CORO2B: variants seen among roughly 807,000 people sequenced by gnomAD.
CORO2B encodes the protein coronin 2B.
In CORO2B, 26 loss-of-function variants were observed where a neutral mutation model predicts 58.8. The observed-to-expected ratio is 0.44, with a 90% CI of 0.32 to 0.61. The LOEUF (loss-of-function observed/expected upper bound fraction) is 0.61. Ranked by LOEUF, CORO2B falls within the 20% of genes least tolerant of loss-of-function variation. The pLI is 0.04. For missense variants in CORO2B, 460 were observed against 645.1 expected (o/e 0.71, Z 3.11); for synonymous variants, 242 against 253.8 (o/e 0.95, Z 0.44).
At chr15:68,639,955 C>CT in intron 1 of CORO2B, among the ~76,000 whole-genome samples, 1 of 152,312 alleles carries the variant, frequency 6.6e-6, no homozygotes, top group East Asian at 1.9e-4. Context: ...GCCAGATTTT[C>CT]AGGTCACCTC....
At chr15:68,623,713 G>T (rs754731134) in intron 1 of CORO2B, among the ~76,000 whole-genome samples, 9 of 152,322 alleles carry the variant, frequency 5.9e-5, no homozygotes, top group Non-Finnish European at 8.8e-5. Context: ...AGCAGCAGCG[G>T]GTGGGAGGGC....
intron 1 of CORO2B, 141 bp downstream of exon 1, chr15:68,579,418 G>T (rs1378295351): frequency 5.7e-6 from 5 of 872,988 alleles, no homozygotes; most frequent in African/African-American, 3.6e-5. Context: ...CTTGCTGCCG[G>T]ATCCGCTCGA....
chr15:68,574,342 C>T (rs114368229), upstream of CORO2B, among the ~76,000 whole-genome samples: 1,136 of 152,230 alleles, frequency 7.5e-3, 13 homozygotes, highest in African/African-American at 0.025. Context: ...AGGAGCATCT[C>T]CCTCTTAGGG....
chr15:68,519,520 T>G, the CORO2B span, among the ~76,000 whole-genome samples: 1 of 152,348 alleles, frequency 6.6e-6, no homozygotes, highest in East Asian at 1.9e-4. Flanking sequence ...TATTTATCTT[T>G]TCATTACTCA....
intron 1 of CORO2B, among the ~76,000 whole-genome samples, chr15:68,639,972 G>A (rs941846429): frequency 2.0e-5 from 3 of 152,154 alleles, no homozygotes; most frequent in East Asian, 1.9e-4. Flanking sequence ...CCTCTTGGCC[G>A]CCCCCACCGA....
chr15:68,616,028 G>A (rs1027144674), intron 1 of CORO2B, among the ~76,000 whole-genome samples: 4 of 151,992 alleles, frequency 2.6e-5, no homozygotes, highest in African/African-American at 4.8e-5. Flanking sequence ...TACATGCAGC[G>A]GCTCGCTCCC....
In CORO2B at chr15:68,714,651, C is replaced by T. The variant is rs555351499; in HGVS notation, c.858C>T (p.Tyr286=). 1.2e-5 allele frequency: 19 copies of T among 1,613,884 alleles called. No homozygotes were observed. The highest frequency in any genetic ancestry group is 1.7e-5 in the Admixed American group (1 of 60,018). Reference sequence around the variant, plus strand: ...ATGATGCTGACACCCACATGCTCTACCTGGCTGGAAAGGTAGTAGGAGGTG... The same window carrying T: ...ATGATGCTGACACCCACATGCTCTATCTGGCTGGAAAGGTAGTAGGAGGTG... ...PFYDADTHML[Y]LAGKGDGNIR... is the part of the protein sequence containing the mutation. Residue 286 remains tyrosine, a synonymous_variant, in exon 7 of 12, where the codon TAC becomes TAT. Coordinates refer to ENST00000261861, the MANE Select transcript of CORO2B (RefSeq NM_006091.5).
intron 1 of CORO2B, among the ~76,000 whole-genome samples, chr15:68,644,394 G>A (rs1441201882): frequency 6.6e-6 from 1 of 152,204 alleles, no homozygotes; most frequent in African/African-American, 2.4e-5. Context: ...AGGAAGATCA[G>A]AGACTTCCCC....
At chr15:68,716,891 C>T (rs1565564) in intron 8 of CORO2B, among the ~76,000 whole-genome samples, 123,689 of 151,760 alleles carry the variant, frequency 0.82, 54,272 homozygotes, top group Non-Finnish European at 0.96. Context: ...GGGGCTAAAT[C>T]CATGGGATGC....
intron 2 of CORO2B, among the ~76,000 whole-genome samples, chr15:68,647,670 C>CGGAGA (rs1234092325): frequency 4.8e-5 from 6 of 124,406 alleles, no homozygotes; most frequent in South Asian, 2.5e-4. Context: ...GCCTGGGCAA[C>CGGAGA]AAGATCGAAA....
Position 68,579,053 on chromosome 15 carries a change from C to G in CORO2B, c.-210C>G. On this transcript the variant is annotated 5_prime_UTR_variant, in exon 1 of 12. Transcript: ENST00000261861. ...ATCTATTATAAATGCACATTCGGGGCTGACATCAGCGACGAGCGGCGGGCG... is the reference window on the plus strand; with the variant it reads ...ATCTATTATAAATGCACATTCGGGGGTGACATCAGCGACGAGCGGCGGGCG... 1.0e-6 allele frequency: 1 copy of G among 984,276 alleles called. No homozygotes were observed. The highest frequency in any genetic ancestry group is 4.7e-5 in the South Asian group (1 of 21,286). The allele number at this position is 984,276 out of a possible 1,614,324, so 61.0% of individuals were successfully genotyped here.
chr15:68,652,563 T>C (rs1353157566), intron 2 of CORO2B, among the ~76,000 whole-genome samples: 1 of 151,942 alleles, frequency 6.6e-6, no homozygotes, highest in Non-Finnish European at 1.5e-5. Context: ...ATATCAAGAG[T>C]CTGGGTTCTC....
At chr15:68,653,718 G>A (rs1162661587) in intron 2 of CORO2B, among the ~76,000 whole-genome samples, 1 of 151,738 alleles carries the variant, frequency 6.6e-6, no homozygotes, top group South Asian at 2.1e-4. Flanking sequence ...AGGAGGAAAG[G>A]TGCCCAGCTC....
chr15:68,663,258 T>A (rs1902073852), intron 2 of CORO2B, among the ~76,000 whole-genome samples: 1 of 152,238 alleles, frequency 6.6e-6, no homozygotes, highest in South Asian at 2.1e-4. Flanking sequence ...CTACACAGTA[T>A]TCCATTGTTT....
intron 2 of CORO2B, among the ~76,000 whole-genome samples, chr15:68,661,236 C>G (rs7178401): frequency 0.096 from 14,609 of 152,134 alleles, 1,172 homozygotes; most frequent in African/African-American, 0.22. Flanking sequence ...CCTCGGCCTC[C>G]CAAAGTGCTG....
intron 1 of CORO2B, among the ~76,000 whole-genome samples, chr15:68,596,330 G>T (rs916175284): frequency 1.5e-5 from 2 of 134,246 alleles, no homozygotes; most frequent in Admixed American, 1.6e-4. Context: ...TGGTAGAAAT[G>T]CTGTTAAAGA....
upstream of CORO2B, among the ~76,000 whole-genome samples, chr15:68,575,724 T>C (rs549573188): frequency 2.6e-4 from 40 of 152,200 alleles, no homozygotes; most frequent in African/African-American, 9.4e-4. Context: ...TCCACTCCTG[T>C]GATCACCTTC....
chr15:68,589,475 C>T (rs1198965021), intron 1 of CORO2B, among the ~76,000 whole-genome samples: 1 of 152,186 alleles, frequency 6.6e-6, no homozygotes, highest in Non-Finnish European at 1.5e-5. Flanking sequence ...TGTTAGAGAT[C>T]TGTGGACTGC....
chr15:68,641,150 A>G (rs916055225), intron 1 of CORO2B, among the ~76,000 whole-genome samples: 5 of 152,322 alleles, frequency 3.3e-5, no homozygotes, highest in African/African-American at 1.2e-4. Context: ...GCTGAGAGAC[A>G]GACACTCTCC....
Sources: allele counts gnomAD v4.1 joint callset (sites outside exome capture counted in the v4.1 genomes callset), GRCh38; gene constraint gnomAD v4.1.1; transcripts MANE v1.5; gene names NCBI Gene and HGNC (gene_info 2026-07-23, HGNC 2026-07-21).